KDM6A: variants seen among roughly 807,000 people sequenced by gnomAD.
KDM6A encodes the protein lysine demethylase 6A, also known as lysine-specific demethylase 6A.
KDM6A carries 11 observed loss-of-function variants against 117.6 expected under a neutral mutation model. The ratio of observed to expected loss-of-function variants is 0.09; its 90% CI spans 0.06 to 0.15. The LOEUF is 0.15. Ranked by LOEUF, KDM6A falls within the 10% of genes least tolerant of loss-of-function variation. KDM6A has a pLI of 1.00. For missense variants in KDM6A, 799 were observed against 1,077.3 expected, an observed-to-expected ratio of 0.74 and a Z score of 3.62; for synonymous variants, 384 against 396.1, an observed-to-expected ratio of 0.97 and a Z score of 0.36.
At chrX:45,043,194 G>A (rs2043364808) in intron 8 of KDM6A, among the ~76,000 whole-genome samples, 1 of 111,240 alleles carries the variant, frequency 9.0e-6, no homozygotes, top group Non-Finnish European at 1.9e-5. Context: ...GGAGGCTGAG[G>A]TGGAAGGATC....
At chrX:44,895,074 T>TTTTATTTATTTA (rs200356311) in intron 2 of KDM6A, among the ~76,000 whole-genome samples, 48 of 91,697 alleles carry the variant, frequency 5.2e-4, no homozygotes, top group East Asian at 1.8e-3. Context: ...GCAACTTTTA[T>TTTTATTTATTTA]TTTATTTATT....
At chrX:45,032,818 G>C (rs1285484854) in intron 6 of KDM6A, among the ~76,000 whole-genome samples, 1 of 112,104 alleles carries the variant, frequency 8.9e-6, no homozygotes, top group Non-Finnish European at 1.9e-5. Context: ...GTATTTCATA[G>C]TGTTGTGGGT....
chrX:44,990,904 A>G (rs965873465), intron 4 of KDM6A, among the ~76,000 whole-genome samples: 2 of 112,164 alleles, frequency 1.8e-5, no homozygotes, highest in African/African-American at 6.5e-5. Flanking sequence ...TTTCATTAAA[A>G]GTGTTTGGAA....
At chrX:44,924,648 GGT>G (rs112587323) in intron 2 of KDM6A, among the ~76,000 whole-genome samples, 14,769 of 90,229 alleles carry the variant, frequency 0.16, 985 homozygotes, top group African/African-American at 0.19. Flanking sequence ...GGTGGTCCTG[GGT>G]GTGTGTGTGT....
At chrX:45,085,152 A>C (rs1418039321) in intron 24 of KDM6A, among the ~76,000 whole-genome samples, 3 of 112,165 alleles carry the variant, frequency 2.7e-5, no homozygotes, top group East Asian at 2.8e-4. Context: ...TTGGACACTG[A>C]TATAAATGTT....
At chrX:45,003,709 C>CTCTT (rs998403230) in intron 4 of KDM6A, among the ~76,000 whole-genome samples, 2 of 109,976 alleles carry the variant, frequency 1.8e-5, no homozygotes, top group African/African-American at 6.6e-5. Flanking sequence ...CTCTCTCTCT[C>CTCTT]TCTTTCTTTC....
In KDM6A at chrX:45,082,779, G is replaced by C. The variant is rs756243202; in HGVS notation, c.3430G>C (p.Asp1144His). 1 of 1,179,661 alleles carries C rather than the reference G, an allele frequency of 8.5e-7. No homozygotes were observed. The highest frequency in any genetic ancestry group is 1.8e-5 in the African/African-American group (1 of 56,355). ...IKFGTNIDLS[D>H]DKKWKLQLHE... ...GTTTGGGACCAATATTGACCTATCT[G>C]ATGACAAAAAGTAAGTCCTTGTAGT... is the stretch of plus-strand genomic sequence containing the variant. The change falls in exon 23 of 30, where the codon GAT becomes CAT. Residue 1144 changes from aspartate to histidine, a missense_variant. Physicochemically the swap from Asp to His is moderately conservative, Grantham distance 81. Coordinates refer to ENST00000611820, the MANE Select transcript of KDM6A (RefSeq NM_001291415.2).
At chrX:45,024,378 C>G (rs1158044382) in intron 6 of KDM6A, among the ~76,000 whole-genome samples, 1 of 112,087 alleles carries the variant, frequency 8.9e-6, no homozygotes, top group East Asian at 2.8e-4. Context: ...TTGCATTTCC[C>G]TGATCATTAG....
At chrX:44,966,868 TC>T (rs2039041614) in intron 3 of KDM6A, among the ~76,000 whole-genome samples, 1 of 91,367 alleles carries the variant, frequency 1.1e-5, no homozygotes, top group African/African-American at 5.7e-5. Context: ...TCTCTCTCTC[TC>T]TTTTTTTTTT....
intron 2 of KDM6A, among the ~76,000 whole-genome samples, chrX:44,877,248 T>C (rs990672406): frequency 1.8e-5 from 2 of 111,545 alleles, no homozygotes; most frequent in African/African-American, 6.5e-5. Flanking sequence ...CCATTTGATA[T>C]ACAATGCCTG....
chrX:45,030,691 C>G (rs1474923290), intron 6 of KDM6A, among the ~76,000 whole-genome samples: 2 of 110,971 alleles, frequency 1.8e-5, no homozygotes, highest in Non-Finnish European at 3.8e-5. Flanking sequence ...TTAATTTATA[C>G]TTTTATTTTA....
chrX:45,033,584 GTC>G (rs1440297360), intron 6 of KDM6A, among the ~76,000 whole-genome samples: 3 of 110,531 alleles, frequency 2.7e-5, no homozygotes, highest in Non-Finnish European at 3.8e-5. Context: ...TTGAGGTGGA[GTC>G]TCTGTCGCCT....
At chrX:45,035,999 GA>G (rs2042797604) in intron 7 of KDM6A, among the ~76,000 whole-genome samples, 1 of 112,000 alleles carries the variant, frequency 8.9e-6, no homozygotes, top group African/African-American at 3.2e-5. Flanking sequence ...GCGCCCGTCC[GA>G]AAAATGAAAT....
At chrX:44,967,679 T>C (rs1367501809) in intron 3 of KDM6A, among the ~76,000 whole-genome samples, 1 of 112,178 alleles carries the variant, frequency 8.9e-6, no homozygotes, top group Non-Finnish European at 1.9e-5. Context: ...TTTTGGGCTG[T>C]GGTTTTTCTT....
chrX:45,018,278 T>G (rs901399379), intron 5 of KDM6A, among the ~76,000 whole-genome samples: 2 of 111,347 alleles, frequency 1.8e-5, no homozygotes, highest in African/African-American at 3.3e-5. Flanking sequence ...AGGTTTTCGA[T>G]TAGAGATAAA....
intron 5 of KDM6A, among the ~76,000 whole-genome samples, chrX:45,012,764 T>C (rs1296207071): frequency 8.9e-6 from 1 of 111,908 alleles, no homozygotes; most frequent in African/African-American, 3.2e-5. Flanking sequence ...TTCTTCCCTC[T>C]TAGCTTTTGG....
intron 2 of KDM6A, among the ~76,000 whole-genome samples, chrX:44,955,943 G>A (rs2038300179): frequency 9.0e-6 from 1 of 111,155 alleles, no homozygotes; most frequent in South Asian, 3.7e-4. Context: ...CACTAAAATA[G>A]CTTAGTAATA....
At chrX:45,003,697 ATCTC>A (rs754445669) in intron 4 of KDM6A, among the ~76,000 whole-genome samples, 4 of 106,136 alleles carry the variant, frequency 3.8e-5, no homozygotes, top group East Asian at 6.1e-4. Flanking sequence ...TTTACTACTT[ATCTC>A]TCTCTCTCTC....
At chrX:45,092,098 C>A (rs931254712) in intron 27 of KDM6A, among the ~76,000 whole-genome samples, 1 of 110,592 alleles carries the variant, frequency 9.0e-6, no homozygotes, top group African/African-American at 3.3e-5. Flanking sequence ...ACCATACTCT[C>A]GATAAATATA....
Sources: gnomAD v4.1 joint callset for allele counts (sites outside exome capture counted in the v4.1 genomes callset) on GRCh38, gnomAD v4.1.1 for gene constraint, MANE v1.5 for transcripts, NCBI Gene and HGNC (gene_info 2026-07-23, HGNC 2026-07-21) for gene names.